The following BMP8B variants were observed in gnomAD, a reference collection of about 807,000 sequenced individuals.
BMP8B encodes the protein bone morphogenetic protein 8b.
A neutral mutation model predicts 30.3 loss-of-function variants in BMP8B; 17 were observed. That is an observed-to-expected ratio of 0.56 (90% CI 0.38 to 0.84). The LOEUF (loss-of-function observed/expected upper bound fraction) is 0.84. Ranked by LOEUF, BMP8B falls within the 40% of genes least tolerant of loss-of-function variation. The pLI, the probability that BMP8B is intolerant of heterozygous loss-of-function variation, is 0.00. For missense variants in BMP8B, 253 were observed against 494.6 expected, an observed-to-expected ratio of 0.51 and a Z score of 4.63; for synonymous variants, 131 against 214.7, an observed-to-expected ratio of 0.61 and a Z score of 3.41.
At chr1:39,762,949 T>A in intron 6 of BMP8B, 143 bp downstream of exon 6, 1 of 1,056,710 alleles carries the variant, frequency 9.5e-7, no homozygotes, top group Non-Finnish European at 1.4e-6. Flanking sequence ...CTGTGGGAAG[T>A]TAGCGACGTT....
At chr1:39,775,199 C>T (rs1557484093) in intron 1 of BMP8B, among the ~76,000 whole-genome samples, 161 bp from the exon 2 acceptor site, 1 of 152,192 alleles carries the variant, frequency 6.6e-6, no homozygotes, top group African/African-American at 2.4e-5. Flanking sequence ...AACGTTTGTT[C>T]CAGGCTTGGT....
intron 3 of BMP8B, chr1:39,770,161 C>G: frequency 2.4e-6 from 3 of 1,269,028 alleles, no homozygotes; most frequent in Non-Finnish European, 1.1e-6. Flanking sequence ...TGACCGTCTG[C>G]TTGCCTGCAT....
In BMP8B at chr1:39,758,117, T is replaced by TA. The variant is rs1354509324; in HGVS notation, c.*2301dup. Reference sequence around the variant, plus strand: ...CTGGGCACTAAAGATACAGGTGGAGTAAAAAATTAATTGTCAAAATAACTG... The same window carrying TA: ...CTGGGCACTAAAGATACAGGTGGAGTAAAAAAATTAATTGTCAAAATAACTG... On this transcript the variant is annotated 3_prime_UTR_variant, in exon 7 of 7. Coordinates refer to ENST00000372827, the MANE Select transcript of BMP8B (RefSeq NM_001720.5). 6.6e-5 allele frequency: 10 copies of TA among 152,228 alleles called. No individual in the cohort carries two copies. Among genetic ancestry groups the TA allele is most frequent in the Non-Finnish European group, 1.2e-4 (8 of 68,008 alleles). The allele number at this position is 152,228 out of a possible 1,614,324, so 9.4% of individuals were successfully genotyped here. A position where few individuals can be genotyped will look rare whatever the true frequency, so the allele number is the denominator to read the frequency against.
chr1:39,765,276 G>A (rs1649535553), intron 3 of BMP8B, among the ~76,000 whole-genome samples: 2 of 147,572 alleles, frequency 1.4e-5, no homozygotes, highest in South Asian at 2.2e-4. Flanking sequence ...CTTCCGTCCC[G>A]CACTTTCTGG....
In BMP8B at chr1:39,788,030, G is replaced by A. The variant is rs1651111787; in HGVS notation, c.334+122C>T. On this transcript the variant is annotated intron_variant, in intron 1 of 6. Coordinates refer to ENST00000372827, the MANE Select transcript of BMP8B (RefSeq NM_001720.5). The surrounding 1 kb of genome is among the most constrained non-coding windows in gnomAD (Gnocchi z 5.8). ...CTAACCACGGCGGTCCCACTCCCCT[G>A]TGGTTCGCGTCCACCGTCTGTGACT... The A allele has an allele frequency of 7.4e-7, 1 of 1,345,946 alleles. No individual in the cohort carries two copies. The highest frequency in any genetic ancestry group is 9.5e-7 in the Non-Finnish European group (1 of 1,049,038). The allele number at this position is 1,345,946 out of a possible 1,614,324, so 83.4% of individuals were successfully genotyped here.
chr1:39,784,160 G>A (rs554367014), intron 1 of BMP8B, among the ~76,000 whole-genome samples: 135 of 152,248 alleles, frequency 8.9e-4, no homozygotes, highest in Non-Finnish European at 1.7e-3. Flanking sequence ...CAGATGTGAC[G>A]GCAATTGTGA....
At chr1:39,762,723 T>C in intron 6 of BMP8B, 2 of 1,439,712 alleles carry the variant, frequency 1.4e-6, no homozygotes, top group Non-Finnish European at 1.8e-6. Context: ...GCCAGCGTAC[T>C]CGGCGGCCCG....
chr1:39,767,174 G>C (rs1649673445), intron 3 of BMP8B, among the ~76,000 whole-genome samples: 1 of 152,108 alleles, frequency 6.6e-6, no homozygotes, highest in African/African-American at 2.4e-5. Context: ...AGCCAGGCCT[G>C]GCTTGGGTGC....
At chr1:39,787,712 G>A (rs1444104509) in intron 1 of BMP8B, among the ~76,000 whole-genome samples, 1 of 152,130 alleles carries the variant, frequency 6.6e-6, no homozygotes, top group African/African-American at 2.4e-5. Flanking sequence ...CAGGGCACGC[G>A]ACTCAGCTCT....
rs937248296 is a variant in BMP8B, at chr1:39,788,605, G to T, written c.-120C>A. ...TGGGCTCGGCGGGCGGCGGGCGGCG[G>T]GGCGGGGCGGGACGGGCGGCGACCG... On this transcript the variant is annotated 5_prime_UTR_variant, in exon 1 of 7. Coordinates refer to ENST00000372827, the MANE Select transcript of BMP8B (RefSeq NM_001720.5). The surrounding 1 kb of genome is among the most constrained non-coding windows in gnomAD (Gnocchi z 5.8). 12 of 906,728 alleles carry T rather than the reference G, an allele frequency of 1.3e-5. No individual in the cohort carries two copies. The highest frequency in any genetic ancestry group is 1.3e-4 in the African/African-American group (7 of 55,382). The allele number at this position is 906,728 out of a possible 1,614,324, so 56.2% of individuals were successfully genotyped here. A position where few individuals can be genotyped will look rare whatever the true frequency, so the allele number is the denominator to read the frequency against.
chr1:39,760,435 G>A lies in BMP8B; in HGVS notation c.1193C>T (p.Ala398Val), dbSNP rs781240401. 6.2e-7 allele frequency: 1 copy of A among 1,614,042 alleles called. No homozygotes were observed. Among genetic ancestry groups the A allele is most frequent in the Admixed American group, 1.7e-5 (1 of 60,030 alleles). ...LRKHRNMVVK[A>V]CGCH Reference sequence around the variant, plus strand: ...CGGGTGGACTCAGTGGCAGCCGCAGGCCTTGACCACCATGTTGCGGTGCTT... The same window carrying A: ...CGGGTGGACTCAGTGGCAGCCGCAGACCTTGACCACCATGTTGCGGTGCTT... The change falls in exon 7 of 7, where the codon GCC (alanine) becomes GTC (valine). Residue 398 changes from alanine (A) to valine (V), a missense_variant. By Grantham distance (64) the Ala-to-Val change is moderately conservative. This residue lies in a region of BMP8B where 116 missense variants were observed against 142.3 expected (regional missense o/e 0.81). Transcript: ENST00000372827.
intron 4 of BMP8B, among the ~76,000 whole-genome samples, chr1:39,764,268 C>CT (rs745803462): frequency 1.3e-4 from 20 of 149,912 alleles, no homozygotes; most frequent in African/African-American, 5.0e-4. Flanking sequence ...GGGGAGAAAA[C>CT]TCGCATAAGC....
Position 39,758,063 on chromosome 1 carries a change from G to A in BMP8B, c.*2356C>T, listed in dbSNP as rs934304870. ...TTCAGGTAGTTTACAGACATTCTTG[G>A]TGCACCCCTAACTATGCCAGATCAT... On this transcript the variant is annotated 3_prime_UTR_variant, in exon 7 of 7. Transcript: ENST00000372827. 6.6e-6 allele frequency: 1 copy of A among 152,144 alleles called. No homozygotes were observed. Among genetic ancestry groups the A allele is most frequent in the Non-Finnish European group, 1.5e-5 (1 of 68,026 alleles). The allele number at this position is 152,144 out of a possible 1,614,324, so 9.4% of individuals were successfully genotyped here. A position where few individuals can be genotyped will look rare whatever the true frequency, so the allele number is the denominator to read the frequency against.
chr1:39,763,164 G>A lies in BMP8B; in HGVS notation c.987C>T (p.Tyr329=). ...VIAPQGYSAY[Y]CEGECSFPLD... ...GTGGGAAGGAGCACTCCCCCTCACA[G>A]TAATAGGCCGAGTAGCCTTGGGGAG... Residue 329 remains tyrosine (Y), a synonymous_variant, in exon 6 of 7, where the codon TAC becomes TAT. Coordinates refer to ENST00000372827, the MANE Select transcript of BMP8B (RefSeq NM_001720.5). 6.2e-7 allele frequency: 1 copy of A among 1,613,978 alleles called. No homozygotes were observed. The highest frequency in any genetic ancestry group is 8.5e-7 in the Non-Finnish European group (1 of 1,179,964).
intron 1 of BMP8B, among the ~76,000 whole-genome samples, chr1:39,785,396 C>T (rs900523902): frequency 6.6e-6 from 1 of 150,814 alleles, no homozygotes; most frequent in African/African-American, 2.4e-5. Context: ...CAGGCAGGGC[C>T]CCGGCTCTGA....
At position 39,763,764 on chromosome 1, in the gene BMP8B, T is replaced by C. The variant is rs1350314293; in HGVS notation, c.896A>G (p.Gln299Arg). The C allele has an allele frequency of 1.2e-6, 2 of 1,604,170 alleles. No individual in the cohort carries two copies. Among genetic ancestry groups the C allele is most frequent in the Non-Finnish European group, 1.7e-6 (2 of 1,174,984 alleles). ...FDDVHGSHGRQVCRRHELYVS... is the reference protein window; with the variant it reads ...FDDVHGSHGRRVCRRHELYVS... ...GTAGAGCTCGTGCCGACGGCAGACCTGCCGGCCGTGGGAGCCGTGGACGTC... is the reference window on the plus strand; with the variant it reads ...GTAGAGCTCGTGCCGACGGCAGACCCGCCGGCCGTGGGAGCCGTGGACGTC... The change falls in exon 5 of 7, where the codon CAG (glutamine) becomes CGG (arginine). Residue 299 changes from glutamine to arginine, a missense_variant. Gln to Arg is a conservative substitution (Grantham distance 43). Transcript: ENST00000372827.
chr1:39,775,132 C>A (rs1035443032), intron 1 of BMP8B, 94 bp from the exon 2 acceptor site: 3 of 1,568,790 alleles, frequency 1.9e-6, no homozygotes, highest in Non-Finnish European at 2.6e-6. Flanking sequence ...AGCCACCCAC[C>A]ACTCAAGGTG....
In BMP8B at chr1:39,788,179, C is replaced by T. The variant is rs1429690924; in HGVS notation, c.307G>A (p.Asp103Asn). The T allele has an allele frequency of 4.4e-6, 7 of 1,574,794 alleles. No homozygotes were observed. The South Asian group carries it at 6.7e-5, about 15-fold the overall frequency. The change falls in exon 1 of 7, where the codon GAC becomes AAC. Residue 103 changes from aspartate to asparagine, a missense_variant. Asp to Asn is a conservative substitution (Grantham distance 23, BLOSUM62 1). Transcript: ENST00000372827. This position sits in a 1 kb window ranked among gnomAD's most constrained non-coding sequence, Gnocchi z 5.8. Reference protein sequence around the residue: ...APAERRLGRADLVMSFVNMVE... With the variant: ...APAERRLGRANLVMSFVNMVE... ...ATGTTAACGAAGCTCATGACCAGGT[C>T]GGCGCGGCCCAGGCGCCGCTCCGCG... is the stretch of plus-strand genomic sequence containing the variant.
chr1:39,766,436 G>C (rs1392033435), intron 3 of BMP8B, among the ~76,000 whole-genome samples: 7 of 120,084 alleles, frequency 5.8e-5, no homozygotes, highest in African/African-American at 1.9e-4. Context: ...CACACACACA[G>C]ATGTATTTAT....
Sources: gnomAD v4.1 joint callset for allele counts (sites outside exome capture counted in the v4.1 genomes callset) on GRCh38, gnomAD v4.1.1 for gene constraint, gnomAD v4.1.1 regional missense constraint, Gnocchi (gnomAD v3.1) non-coding constraint, MANE v1.5 for transcripts, NCBI Gene and HGNC (gene_info 2026-07-23, HGNC 2026-07-21) for gene names.